Variants in ARID1B observed in about 807,000 individuals in gnomAD.
The protein encoded by ARID1B is AT-rich interaction domain 1B, also known as AT-rich interactive domain-containing protein 1B.
ARID1B carries 30 observed loss-of-function variants against 212.3 expected under a neutral mutation model. That is an observed-to-expected ratio of 0.14 (90% CI 0.11 to 0.19). The LOEUF (loss-of-function observed/expected upper bound fraction) is 0.19, where lower values mean the gene tolerates loss of function less well. Ranked by LOEUF, ARID1B falls within the 10% of genes least tolerant of loss-of-function variation. ARID1B has a pLI of 1.00. For missense variants in ARID1B, 2,891 were observed against 3,204.0 expected, an observed-to-expected ratio of 0.90 and a Z score of 2.36; for synonymous variants, 1,402 against 1,301.7, an observed-to-expected ratio of 1.08 and a Z score of -1.66.
At chr6:157,095,194 G>C (rs1785529148) in intron 5 of ARID1B, among the ~76,000 whole-genome samples, 1 of 152,160 alleles carries the variant, frequency 6.6e-6, no homozygotes, top group African/African-American at 2.4e-5. Context: ...TTCTAGTTCT[G>C]CTGAAGCTGC....
intron 4 of ARID1B, among the ~76,000 whole-genome samples, chr6:157,021,469 G>C (rs1434319245): frequency 1.3e-5 from 2 of 152,200 alleles, no homozygotes; most frequent in Non-Finnish European, 2.9e-5. Context: ...CTGCCGGCAG[G>C]CCCCGCTCGC....
chr6:157,133,354 C>G (rs904607722), intron 7 of ARID1B, 147 bp downstream of exon 7: 2 of 901,582 alleles, frequency 2.2e-6, no homozygotes, highest in East Asian at 2.8e-5. Context: ...TACAAGCCCA[C>G]AGTACTTTAG....
At chr6:157,015,697 CAG>C (rs1295795764) in intron 4 of ARID1B, among the ~76,000 whole-genome samples, 5 of 152,222 alleles carry the variant, frequency 3.3e-5, no homozygotes, top group African/African-American at 1.2e-4. Flanking sequence ...CTCCTGACTT[CAG>C]AGTTTCCCAG....
At chr6:156,995,542 G>C (rs891338171) in intron 4 of ARID1B, among the ~76,000 whole-genome samples, 3 of 152,180 alleles carry the variant, frequency 2.0e-5, no homozygotes, top group Non-Finnish European at 4.4e-5. Context: ...TCCAAGCCCA[G>C]GGTACTGTAC....
intron 16 of ARID1B, chr6:157,198,519 G>A (rs1167607280): frequency 2.7e-6 from 1 of 373,786 alleles, no homozygotes; most frequent in Non-Finnish European, 4.9e-6. Context: ...AGAGGCCAGA[G>A]GCTCTAACAA....
chr6:156,882,095 T>C (rs185214439), intron 2 of ARID1B, among the ~76,000 whole-genome samples: 11 of 152,218 alleles, frequency 7.2e-5, no homozygotes, highest in Admixed American at 2.0e-4. Flanking sequence ...CTGTCCTGAA[T>C]GATTCCTCTT....
At chr6:157,015,304 G>T (rs1032668592) in intron 4 of ARID1B, among the ~76,000 whole-genome samples, 1 of 152,232 alleles carries the variant, frequency 6.6e-6, no homozygotes, top group African/African-American at 2.4e-5. Flanking sequence ...TGACAATACA[G>T]AAGTTAGTTA....
intron 2 of ARID1B, among the ~76,000 whole-genome samples, chr6:156,892,325 C>T (rs974577422): frequency 1.3e-5 from 2 of 152,086 alleles, no homozygotes; most frequent in African/African-American, 2.4e-5. Flanking sequence ...CCCTGTTGCT[C>T]TGTAATATTT....
chr6:157,062,623 G>A (rs1210162283), intron 4 of ARID1B, among the ~76,000 whole-genome samples: 3 of 151,524 alleles, frequency 2.0e-5, no homozygotes, highest in African/African-American at 4.9e-5. Context: ...ATGAGCACTC[G>A]CTACTTGCCT....
intron 2 of ARID1B, among the ~76,000 whole-genome samples, chr6:156,842,032 TCAC>T (rs1169745115): frequency 6.6e-6 from 1 of 152,236 alleles, no homozygotes; most frequent in African/African-American, 2.4e-5. Flanking sequence ...AATATTCGTT[TCAC>T]GTAAAGTCTT....
chr6:156,837,211 A>G (rs987692843), intron 2 of ARID1B, among the ~76,000 whole-genome samples: 2 of 152,196 alleles, frequency 1.3e-5, no homozygotes, highest in African/African-American at 2.4e-5. Context: ...AGAACCTGGT[A>G]TGTGTTAGAT....
chr6:157,197,301 G>C (rs766814798), intron 16 of ARID1B, among the ~76,000 whole-genome samples: 1 of 152,376 alleles, frequency 6.6e-6, no homozygotes, highest in South Asian at 2.1e-4. Context: ...TCGGGATCGC[G>C]GCCTTCGGAA....
At chr6:156,815,254 T>C (rs1176575027) in intron 1 of ARID1B, among the ~76,000 whole-genome samples, 2 of 152,204 alleles carry the variant, frequency 1.3e-5, no homozygotes, top group African/African-American at 2.4e-5. Flanking sequence ...GTATATTTTG[T>C]AACGTAGGGT....
intron 4 of ARID1B, among the ~76,000 whole-genome samples, chr6:156,952,371 CT>C (rs1793651987): frequency 6.6e-6 from 1 of 152,176 alleles, no homozygotes; most frequent in Non-Finnish European, 1.5e-5. Context: ...CTCGAACTTA[CT>C]GACTTTGAAT....
intron 2 of ARID1B, among the ~76,000 whole-genome samples, chr6:156,860,143 A>G (rs1785227805): frequency 6.6e-6 from 1 of 152,234 alleles, no homozygotes; most frequent in African/African-American, 2.4e-5. Context: ...CCTTTGCAGA[A>G]TATGCTTTAA....
At chr6:156,954,657 G>GT (rs1021770409) in intron 4 of ARID1B, among the ~76,000 whole-genome samples, 38 of 151,736 alleles carry the variant, frequency 2.5e-4, no homozygotes, top group African/African-American at 5.3e-4. Context: ...AGCTCGAACT[G>GT]TTTTTTTTGT....
chr6:156,937,681 T>C (rs1014977340), intron 4 of ARID1B: 1 of 152,208 alleles, frequency 6.6e-6, no homozygotes, highest in Admixed American at 6.5e-5. Flanking sequence ...AGCTTTTAAG[T>C]TGATTGCTGG....
At chr6:156,852,714 T>C (rs1784659058) in intron 2 of ARID1B, among the ~76,000 whole-genome samples, 1 of 152,340 alleles carries the variant, frequency 6.6e-6, no homozygotes, top group Non-Finnish European at 1.5e-5. Flanking sequence ...TAATAGCTAA[T>C]GACTTGTATT....
chr6:157,196,401 GCC>G lies in ARID1B; in HGVS notation c.4382+87_4382+88del, dbSNP rs1793730275. 5 of 1,483,196 alleles carry G rather than the reference GCC, an allele frequency of 3.4e-6. No individual in the cohort carries two copies. The African/African-American group carries it at 7.1e-5, about 21-fold the overall frequency. 91.9% of individuals were successfully genotyped at this position (1,483,196 alleles called of 1,614,324 possible). A position where few individuals can be genotyped will look rare whatever the true frequency, so the allele number is the denominator to read the frequency against. ...CACATTTCTGAGCCCTGGCAGCTGA[GCC>G]ACTGATGACAATATACAGTGTCCCC... On this transcript the variant is annotated intron_variant, in intron 16 of 19. Transcript: ENST00000636930.
Sources: allele counts gnomAD v4.1 joint callset (sites outside exome capture counted in the v4.1 genomes callset), GRCh38; gene constraint gnomAD v4.1.1; transcripts MANE v1.5; gene names NCBI Gene and HGNC (gene_info 2026-07-23, HGNC 2026-07-21).